The following DNAH11 variants were observed in gnomAD, a reference collection of about 807,000 sequenced individuals.
The protein encoded by DNAH11 is axonemal beta dynein heavy chain 11.
A neutral mutation model predicts 526.0 loss-of-function variants in DNAH11; 442 were observed. The ratio of observed to expected loss-of-function variants is 0.84; its 90% CI spans 0.78 to 0.91. The LOEUF (loss-of-function observed/expected upper bound fraction) is 0.91. DNAH11 is among the 40% of genes least tolerant of loss of function. The probability of loss-of-function intolerance (pLI) is 0.00; values close to 1 mark genes in which losing one functional copy is unlikely to be tolerated. For synonymous variants in DNAH11, 2,461 were observed against 1,935.9 expected, an observed-to-expected ratio of 1.27 and a Z score of -7.12; for missense variants, 6,989 against 5,448.7, an observed-to-expected ratio of 1.28 and a Z score of -8.90.
At chr7:21,809,161 A>G (rs1176348248) in intron 63 of DNAH11, among the ~76,000 whole-genome samples, 1 of 151,968 alleles carries the variant, frequency 6.6e-6, no homozygotes, top group Non-Finnish European at 1.5e-5. Context: ...CATGTTACCT[A>G]TTGGCCATTT....
At chr7:21,666,078 T>C (rs2128467861) in intron 30 of DNAH11, among the ~76,000 whole-genome samples, 1 of 152,258 alleles carries the variant, frequency 6.6e-6, no homozygotes, top group Admixed American at 6.5e-5. Context: ...TTGTGTATAA[T>C]TGATGATTAT....
chr7:21,866,376 T>A, intron 70 of DNAH11, 94 bp from the exon 71 acceptor site: 1 of 1,310,600 alleles, frequency 7.6e-7, no homozygotes, highest in East Asian at 2.3e-5. Flanking sequence ...CAGCACAGTT[T>A]TTTTACATAA....
At chr7:21,607,570 C>A (rs965964933) in intron 20 of DNAH11, among the ~76,000 whole-genome samples, 3 of 152,196 alleles carry the variant, frequency 2.0e-5, no homozygotes, top group East Asian at 1.9e-4. Context: ...ATATGACTTT[C>A]ATTATTTCTT....
At chr7:21,804,561 T>G (rs1789165531) in intron 62 of DNAH11, among the ~76,000 whole-genome samples, 1 of 152,210 alleles carries the variant, frequency 6.6e-6, no homozygotes, top group Non-Finnish European at 1.5e-5. Context: ...TCTCAATAAC[T>G]GCAATTCTGT....
intron 65 of DNAH11, among the ~76,000 whole-genome samples, chr7:21,824,183 T>G (rs1430381581): frequency 6.6e-6 from 1 of 152,178 alleles, no homozygotes; most frequent in East Asian, 1.9e-4. Context: ...TTTTAGGGTG[T>G]TTTAATTTTA....
intron 55 of DNAH11, among the ~76,000 whole-genome samples, chr7:21,773,529 G>A (rs1218819327): frequency 6.6e-6 from 1 of 151,894 alleles, no homozygotes; most frequent in East Asian, 1.9e-4. Flanking sequence ...TTGGTATGTG[G>A]AGCACATAAA....
In DNAH11 at chr7:21,561,110, A is replaced by G; in HGVS notation, c.922A>G (p.Thr308Ala). ...PVVLKMVKILTTKQSSYFPTL... is the reference protein window; with the variant it reads ...PVVLKMVKILATKQSSYFPTL... ...TGTCCTCAAAATGGTTAAGATCCTG[A>G]CAACTAAACAAAGCAGCTATTTTCC... Residue 308 changes from threonine (T) to alanine (A), a missense_variant, in exon 5 of 82, where the codon ACA becomes GCA. Coordinates refer to ENST00000409508, the MANE Select transcript of DNAH11 (RefSeq NM_001277115.2). 3.7e-6 allele frequency: 6 copies of G among 1,604,874 alleles called. No homozygotes were observed. The highest frequency in any genetic ancestry group is 5.1e-6 in the Non-Finnish European group (6 of 1,175,454).
chr7:21,557,531 T>C (rs1177925603), intron 2 of DNAH11, among the ~76,000 whole-genome samples: 2 of 152,154 alleles, frequency 1.3e-5, no homozygotes, highest in African/African-American at 4.8e-5. Context: ...GTTGGTCCTA[T>C]TTTATGGAGA....
At position 21,607,747 on chromosome 7, in the gene DNAH11, C is replaced by T. The variant is rs535446134; in HGVS notation, c.3852+1014C>T. Among the ~76,000 whole-genome samples, 49 of 151,592 alleles carry T rather than the reference C, an allele frequency of 3.2e-4. No individual in the cohort carries two copies. In the South Asian group the frequency reaches 8.4e-3, roughly 26 times the overall value. On this transcript the variant is annotated intron_variant, in intron 20 of 81. Coordinates refer to ENST00000409508, the MANE Select transcript of DNAH11 (RefSeq NM_001277115.2). ...GAGATCAAGACCATCCTGGCCAACA[C>T]GGTGAAACCCCGTCTCTACTAAAAT...
chr7:21,859,483 A>G (rs2128029112), intron 68 of DNAH11, among the ~76,000 whole-genome samples: 1 of 152,314 alleles, frequency 6.6e-6, no homozygotes, highest in Non-Finnish European at 1.5e-5. Context: ...CAAATATTCA[A>G]ACATCTGAAA....
chr7:21,822,684 G>T (rs1241247984), intron 65 of DNAH11, among the ~76,000 whole-genome samples: 3 of 152,158 alleles, frequency 2.0e-5, no homozygotes, highest in Non-Finnish European at 4.4e-5. Context: ...TGACCATGAG[G>T]AATCTCTATA....
intron 65 of DNAH11, among the ~76,000 whole-genome samples, chr7:21,840,758 A>G (rs913966709): frequency 2.0e-5 from 3 of 152,252 alleles, no homozygotes; most frequent in African/African-American, 4.8e-5. Context: ...GGAGTTTTGA[A>G]TAGAATTAGC....
chr7:21,596,836 T>C (rs1405353194), intron 14 of DNAH11, among the ~76,000 whole-genome samples: 1 of 152,224 alleles, frequency 6.6e-6, no homozygotes, highest in Non-Finnish European at 1.5e-5. Context: ...GAAGAGAGCT[T>C]CTGCCTTGAG....
intron 65 of DNAH11, among the ~76,000 whole-genome samples, chr7:21,839,997 A>G (rs76060569): frequency 6.6e-6 from 1 of 152,356 alleles, no homozygotes; most frequent in East Asian, 1.9e-4. Context: ...CATTAAAACC[A>G]GTTGTCTCAT....
intron 57 of DNAH11, 79 bp from the exon 58 acceptor site, chr7:21,784,348 T>G (rs1788080837): frequency 3.7e-6 from 4 of 1,068,128 alleles, no homozygotes; most frequent in African/African-American, 3.1e-5. Context: ...ACAGTGCATC[T>G]GAGTCAACCT....
rs112635255 is a variant in DNAH11 at position 21,678,491 on chromosome 7, C to T, written c.5329-3055C>T. Among the ~76,000 whole-genome samples the T allele has an allele frequency of 9.2e-3, 1,404 of 151,972 alleles. 20 individuals are homozygous for T. Among genetic ancestry groups the T allele is most frequent in the African/African-American group, 0.032 (1,313 of 41,458 alleles). On this transcript the variant is annotated intron_variant, in intron 30 of 81. Transcript: ENST00000409508. Reference sequence around the variant, plus strand: ...TAATTTGAAATCAAGAGATGTGATGCCTCCAGCTTTGTTTTTCTTGCTTAA... The same window carrying T: ...TAATTTGAAATCAAGAGATGTGATGTCTCCAGCTTTGTTTTTCTTGCTTAA...
At chr7:21,628,270 A>T (rs1349823863) in intron 25 of DNAH11, among the ~76,000 whole-genome samples, 1 of 152,076 alleles carries the variant, frequency 6.6e-6, no homozygotes, top group Non-Finnish European at 1.5e-5. Context: ...TTCCAGTTTG[A>T]ATGCCTTTTA....
At chr7:21,763,419 C>G (rs1350796298) in intron 54 of DNAH11, among the ~76,000 whole-genome samples, 1 of 150,332 alleles carries the variant, frequency 6.7e-6, no homozygotes, top group East Asian at 1.9e-4. Flanking sequence ...CATCACTAAT[C>G]AGGGAAATGC....
At position 21,861,865 on chromosome 7, in the gene DNAH11, C is replaced by G. The variant is rs1217763887; in HGVS notation, c.11215C>G (p.Leu3739Val). 12 of 1,611,922 alleles carry G rather than the reference C, an allele frequency of 7.4e-6. No homozygotes were observed. Among genetic ancestry groups the G allele is most frequent in the Non-Finnish European group, 1.0e-5 (12 of 1,179,184 alleles). ...YQFSLKAFNV[L>V]FHRAIEQADK... is the part of the protein sequence containing the mutation. ...TTAAATTTCCCAGGCTTTTAACGTGCTGTTCCACAGAGCGATCGAGCAGGC... is the reference window on the plus strand; with the variant it reads ...TTAAATTTCCCAGGCTTTTAACGTGGTGTTCCACAGAGCGATCGAGCAGGC... The change falls in exon 69 of 82, where the codon CTG becomes GTG. Residue 3739 changes from leucine to valine, a missense_variant. Leu to Val is a conservative substitution (Grantham distance 32, BLOSUM62 1). Coordinates refer to ENST00000409508, the MANE Select transcript of DNAH11 (RefSeq NM_001277115.2).
Sources: allele counts gnomAD v4.1 joint callset (sites outside exome capture counted in the v4.1 genomes callset), GRCh38; gene constraint gnomAD v4.1.1; transcripts MANE v1.5; gene names NCBI Gene and HGNC (gene_info 2026-07-23, HGNC 2026-07-21).